The following HERC2 variants were observed in gnomAD, a reference collection of about 807,000 sequenced individuals.
HERC2 encodes HECT and RLD domain containing E3 ubiquitin protein ligase 2.
A neutral mutation model predicts 537.7 loss-of-function variants in HERC2; 102 were observed. That is an observed-to-expected ratio of 0.19 (90% CI 0.16 to 0.22). The LOEUF is 0.22. Ranked by LOEUF, HERC2 falls within the 10% of genes least tolerant of loss-of-function variation. HERC2 has a pLI of 1.00. For missense variants in HERC2, 4,236 were observed against 6,198.2 expected (o/e 0.68, Z 10.63); for synonymous variants, 2,224 against 2,466.2 (o/e 0.90, Z 2.91).
At chr15:28,288,803 G>T (rs183028589) in intron 4 of HERC2, among the ~76,000 whole-genome samples, 1 of 148,944 alleles carries the variant, frequency 6.7e-6, no homozygotes, top group African/African-American at 2.5e-5. Context: ...AGCTGAGATT[G>T]TGCCATTACA....
Position 28,169,667 on chromosome 15 carries a change from A to T in HERC2, c.10058-12T>A. ...ATCTGAAGGCACGCCTATAAGAGGA[A>T]AATAAAATTTGCATTGTTTTTAAAA... On this transcript the variant is annotated splice_polypyrimidine_tract_variant and intron_variant, in intron 65 of 92. Coordinates refer to ENST00000261609, the MANE Select transcript of HERC2 (RefSeq NM_004667.6). The T allele has an allele frequency of 6.3e-7, 1 of 1,593,178 alleles. No individual in the cohort carries two copies. Among genetic ancestry groups the T allele is most frequent in the South Asian group, 1.1e-5 (1 of 87,448 alleles).
chr15:28,232,565 A>G (rs986096312), intron 30 of HERC2, among the ~76,000 whole-genome samples: 2 of 151,990 alleles, frequency 1.3e-5, no homozygotes, highest in African/African-American at 2.4e-5. Flanking sequence ...AAAAAAAAAA[A>G]GAATATAATC....
chr15:28,262,338 G>A (rs964067251), intron 15 of HERC2, among the ~76,000 whole-genome samples: 2 of 152,164 alleles, frequency 1.3e-5, no homozygotes, highest in African/African-American at 4.8e-5. Flanking sequence ...TCTTCTTGCA[G>A]AGACTCCCAT....
intron 20 of HERC2, among the ~76,000 whole-genome samples, chr15:28,249,193 C>A (rs1904020461): frequency 6.6e-6 from 1 of 152,196 alleles, no homozygotes; most frequent in Non-Finnish European, 1.5e-5. Flanking sequence ...CAATGTGATA[C>A]TACTCTTCAA....
chr15:28,154,140 A>G (rs1038670906), intron 69 of HERC2, among the ~76,000 whole-genome samples: 2 of 152,250 alleles, frequency 1.3e-5, no homozygotes, highest in Admixed American at 6.5e-5. Context: ...AGAATACATC[A>G]TAACAGCAAT....
rs1275818462 is a variant in HERC2 at position 28,202,423 on chromosome 15, C to T, written c.7404G>A (p.Met2468Ile). The T allele has an allele frequency of 9.5e-6, 15 of 1,575,042 alleles. No individual in the cohort carries two copies. The highest frequency in any genetic ancestry group is 1.2e-5 in the Non-Finnish European group (14 of 1,149,112). Residue 2468 changes from methionine (M) to isoleucine (I), a missense_variant, in exon 46 of 93, where the codon ATG becomes ATA. Met to Ile is a conservative substitution (Grantham distance 10). This residue lies in a region of HERC2 where 606 missense variants were observed against 884.5 expected (regional missense o/e 0.69). Coordinates refer to ENST00000261609, the MANE Select transcript of HERC2 (RefSeq NM_004667.6). ...ACTCGATGTTCCTTCTGGAAAATCC[C>T]ATCTCCATGAGCTGCACCACGATCG... ...ALPIVVQLMEMGFSRRNIEFA... is the reference protein window; with the variant it reads ...ALPIVVQLMEIGFSRRNIEFA...
intron 4 of HERC2, among the ~76,000 whole-genome samples, chr15:28,282,743 C>A (rs150293247): frequency 0.021 from 3,144 of 152,098 alleles, 104 homozygotes; most frequent in African/African-American, 0.072. Context: ...ACCAGCCTGG[C>A]CAACATGGTG....
chr15:28,230,281 C>T (rs1027521926), intron 31 of HERC2, 86 bp downstream of exon 31: 37 of 1,379,858 alleles, frequency 2.7e-5, no homozygotes, highest in Admixed American at 3.4e-5. Flanking sequence ...TCCCTCCCTC[C>T]AGATGCTCAG....
At chr15:28,311,076 CAAAAAAAAAAA>C (rs71132854) in intron 2 of HERC2, among the ~76,000 whole-genome samples, 7 of 29,292 alleles carry the variant, frequency 2.4e-4, no homozygotes, top group Admixed American at 1.9e-3. Context: ...GACTGCATCT[CAAAAAAAAAAA>C]AAAAAAAAAA....
chr15:28,112,599 A>G (rs1404366069), intron 92 of HERC2, among the ~76,000 whole-genome samples: 2 of 152,182 alleles, frequency 1.3e-5, no homozygotes, highest in Non-Finnish European at 2.9e-5. Flanking sequence ...TACGGTCCCA[A>G]CAGAGAGTGG....
chr15:28,156,677 T>C (rs1257163535), intron 69 of HERC2, among the ~76,000 whole-genome samples: 1 of 152,222 alleles, frequency 6.6e-6, no homozygotes, highest in Admixed American at 6.5e-5. Context: ...TTTCTAGATA[T>C]ACAATCATGT....
At chr15:28,277,760 G>T (rs2075914264) in intron 5 of HERC2, among the ~76,000 whole-genome samples, 1 of 152,148 alleles carries the variant, frequency 6.6e-6, no homozygotes, top group Admixed American at 6.5e-5. Context: ...AAATGGGTAG[G>T]AATCTCATCT....
chr15:28,290,870 T>C (rs1596403216), intron 4 of HERC2, among the ~76,000 whole-genome samples: 1 of 151,900 alleles, frequency 6.6e-6, no homozygotes. Flanking sequence ...AGACAAAAAA[T>C]CTAAAGTCAA....
chr15:28,204,401 C>G (rs540910215), intron 45 of HERC2, among the ~76,000 whole-genome samples: 3 of 152,120 alleles, frequency 2.0e-5, no homozygotes, highest in African/African-American at 7.2e-5. Flanking sequence ...GAGGGCGGAT[C>G]ATGAGGTCAG....
Position 28,178,131 on chromosome 15 carries a change from C to A in HERC2, c.9164-622G>T, listed in dbSNP as rs114875495. On this transcript the variant is annotated intron_variant, in intron 59 of 92. Transcript: ENST00000261609. ...TTCTCCCCCTTCCTTACCAACAGAA[C>A]CCCCATGTTAAAGTGCTCAGCTAAT... is the stretch of plus-strand genomic sequence containing the variant. Among the ~76,000 whole-genome samples the A allele has an allele frequency of 4.5e-3, 686 of 152,006 alleles. 5 individuals are homozygous for A. Among genetic ancestry groups the A allele is most frequent in the African/African-American group, 0.016 (644 of 41,428 alleles).
chr15:28,280,999 A>G (rs2076007884), intron 4 of HERC2, among the ~76,000 whole-genome samples: 2 of 152,166 alleles, frequency 1.3e-5, no homozygotes, highest in South Asian at 4.1e-4. Context: ...GAAAAACACT[A>G]GCCATTATTT....
At chr15:28,175,760 C>T (rs1443555833) in intron 63 of HERC2, 104 bp from the exon 64 acceptor site, 1 of 1,066,196 alleles carries the variant, frequency 9.4e-7, no homozygotes, top group African/African-American at 1.6e-5. Context: ...AGCTCAATGA[C>T]ATCACACACA....
rs1468542360 is a variant in HERC2, at chr15:28,215,696, G to A, written c.6135C>T (p.Ser2045=). ...LTPQVCGALS[S]PQWITLLMKV... The stretch of plus-strand genomic sequence containing the variant: ...TCATGAGCAGCGTGATCCACTGCGG[G>A]GAGCTGAGGGCGCCGCATACCTGCG... Residue 2045 remains serine, a synonymous_variant, in exon 39 of 93, where the codon TCC becomes TCT. Transcript: ENST00000261609. 1.2e-6 allele frequency: 2 copies of A among 1,612,016 alleles called. No homozygotes were observed. The highest frequency in any genetic ancestry group is 1.7e-6 in the Non-Finnish European group (2 of 1,179,842).
At chr15:28,282,681 C>A (rs527607486) in intron 4 of HERC2, among the ~76,000 whole-genome samples, 4 of 152,292 alleles carry the variant, frequency 2.6e-5, no homozygotes, top group African/African-American at 9.6e-5. Context: ...CAGCTGTAAT[C>A]CCAGCACTTT....
Sources: allele counts gnomAD v4.1 joint callset (sites outside exome capture counted in the v4.1 genomes callset), GRCh38; gene constraint gnomAD v4.1.1; regional missense constraint gnomAD v4.1.1; transcripts MANE v1.5; gene names NCBI Gene and HGNC (gene_info 2026-07-23, HGNC 2026-07-21).